The following GAS7 variants were observed in gnomAD, a reference collection of about 807,000 sequenced individuals.
GAS7 encodes the protein growth arrest-specific protein 7.
In GAS7, 28 loss-of-function variants were observed where a neutral mutation model predicts 71.1. The observed-to-expected ratio is 0.39, with a 90% CI of 0.29 to 0.54. The LOEUF is 0.54. GAS7 is among the 20% of genes least tolerant of loss of function. The pLI, the probability that GAS7 is intolerant of heterozygous loss-of-function variation, is 0.62. For missense variants in GAS7, 436 were observed against 627.8 expected (o/e 0.69, Z 3.27); for synonymous variants, 258 against 245.8 (o/e 1.05, Z -0.46).
chr17:9,939,603 T>C (rs1213695904), intron 8 of GAS7, among the ~76,000 whole-genome samples: 2 of 150,566 alleles, frequency 1.3e-5, no homozygotes, highest in Non-Finnish European at 2.9e-5. Context: ...GAGAAGACAA[T>C]GTGGAAGTGC....
chr17:10,082,331 A>C (rs183743881), intron 1 of GAS7, among the ~76,000 whole-genome samples: 1 of 152,222 alleles, frequency 6.6e-6, no homozygotes, highest in Non-Finnish European at 1.5e-5. Context: ...ATGTCAAATA[A>C]TGTGTTATTT....
chr17:10,066,618 G>C (rs2073284091), intron 1 of GAS7, among the ~76,000 whole-genome samples: 1 of 152,176 alleles, frequency 6.6e-6, no homozygotes, highest in African/African-American at 2.4e-5. Flanking sequence ...TTGCAGGTGT[G>C]AGCCACTGTG....
chr17:9,988,518 G>T (rs1478760404), intron 2 of GAS7, among the ~76,000 whole-genome samples: 7 of 152,132 alleles, frequency 4.6e-5, no homozygotes, highest in Non-Finnish European at 1.0e-4. Context: ...TCCATCTCTG[G>T]TTTTTCAATG....
At chr17:9,983,524 T>C (rs1304975241) in intron 2 of GAS7, among the ~76,000 whole-genome samples, 2 of 151,178 alleles carry the variant, frequency 1.3e-5, no homozygotes, top group African/African-American at 4.9e-5. Flanking sequence ...CGGTGGCTCA[T>C]GTCTGTAATC....
At chr17:9,934,025 C>T (rs571319218) in intron 9 of GAS7, 141 bp downstream of exon 9, 18 of 672,654 alleles carry the variant, frequency 2.7e-5, no homozygotes, top group Non-Finnish European at 4.4e-5. Context: ...TTCCCAACTC[C>T]GTATTCCGTG....
At chr17:10,037,298 C>T (rs1385132581) in intron 1 of GAS7, among the ~76,000 whole-genome samples, 2 of 152,192 alleles carry the variant, frequency 1.3e-5, no homozygotes, top group Non-Finnish European at 2.9e-5. Context: ...TGAGCTTGGG[C>T]AGGGCTTGGA....
At chr17:10,129,756 G>A (rs1597808754) in intron 1 of GAS7, among the ~76,000 whole-genome samples, 1 of 152,140 alleles carries the variant, frequency 6.6e-6, no homozygotes, top group African/African-American at 2.4e-5. Context: ...TGCAAACCAC[G>A]TATCTGATAA....
intron 1 of GAS7, among the ~76,000 whole-genome samples, chr17:10,153,968 C>T (rs1567612598): frequency 6.6e-6 from 1 of 152,188 alleles, no homozygotes. Context: ...GTCCCAGCTA[C>T]TTGGAAGGTT....
chr17:10,110,329 G>A (rs777047682), intron 1 of GAS7, among the ~76,000 whole-genome samples: 3 of 152,166 alleles, frequency 2.0e-5, no homozygotes, highest in Non-Finnish European at 2.9e-5. Context: ...TCACTGATAT[G>A]TAGGAGCTAA....
intron 1 of GAS7, among the ~76,000 whole-genome samples, chr17:10,030,926 C>T (rs952462457): frequency 6.6e-6 from 1 of 152,242 alleles, no homozygotes; most frequent in African/African-American, 2.4e-5. Flanking sequence ...CAGGTTGCAA[C>T]TCCAGTCGCC....
intron 1 of GAS7, among the ~76,000 whole-genome samples, chr17:10,190,063 T>C (rs1425295344): frequency 6.6e-6 from 1 of 152,190 alleles, no homozygotes; most frequent in Non-Finnish European, 1.5e-5. Context: ...GCACGCCCAT[T>C]GGCTTTCGGA....
At chr17:9,957,599 C>T (rs1010214251) in intron 5 of GAS7, among the ~76,000 whole-genome samples, 1 of 148,458 alleles carries the variant, frequency 6.7e-6, no homozygotes, top group Admixed American at 6.7e-5. Flanking sequence ...CCTCCCCCTC[C>T]TTTTTATGTA....
At chr17:9,989,070 C>T (rs531491188) in intron 2 of GAS7, among the ~76,000 whole-genome samples, 2 of 152,056 alleles carry the variant, frequency 1.3e-5, no homozygotes, top group East Asian at 1.9e-4. Flanking sequence ...AGGATGGTCT[C>T]GATCTCCTGA....
At chr17:10,158,344 A>AAAAACAAAAAAC (rs1567614054) in intron 1 of GAS7, among the ~76,000 whole-genome samples, 7 of 146,934 alleles carry the variant, frequency 4.8e-5, no homozygotes, top group African/African-American at 1.8e-4. Context: ...GGTAAAAAAA[A>AAAAACAAAAAAC]AAAAAAAAAA....
chr17:9,925,108 A>G (rs1055703265), intron 11 of GAS7, among the ~76,000 whole-genome samples: 5 of 152,148 alleles, frequency 3.3e-5, no homozygotes, highest in African/African-American at 1.2e-4. Context: ...GGCTCTGAAC[A>G]GGGACAGGGC....
chr17:10,091,668 G>A (rs973497317), intron 1 of GAS7, among the ~76,000 whole-genome samples: 1 of 152,038 alleles, frequency 6.6e-6, no homozygotes, highest in Non-Finnish European at 1.5e-5. Context: ...TTACAGGTGT[G>A]AGCCACCACG....
At position 9,974,056 on chromosome 17, in the gene GAS7, C is replaced by T. The variant is rs74927958; in HGVS notation, c.386-4294G>A. The stretch of plus-strand genomic sequence containing the variant: ...CCCAGTCTTTCCCCACACTTGCAGC[C>T]GCCAGGAACTGTCTAAAGAGGAGAC... On this transcript the variant is annotated intron_variant, in intron 3 of 13. Transcript: ENST00000432992. The surrounding 1 kb of genome is among the most constrained non-coding windows in gnomAD (Gnocchi z 4.0). Among the ~76,000 whole-genome samples the T allele has an allele frequency of 8.4e-3, 1,274 of 152,246 alleles. 5 individuals are homozygous for T. The highest frequency in any genetic ancestry group is 0.029 in the African/African-American group (1,216 of 41,530).
intron 1 of GAS7, among the ~76,000 whole-genome samples, chr17:10,106,985 C>A (rs1438915039): frequency 6.6e-6 from 1 of 152,106 alleles, no homozygotes; most frequent in Non-Finnish European, 1.5e-5. Flanking sequence ...ATGCCACAGT[C>A]CCACTGGACT....
At chr17:9,961,045 C>T (rs1347821966) in intron 4 of GAS7, among the ~76,000 whole-genome samples, 1 of 152,152 alleles carries the variant, frequency 6.6e-6, no homozygotes, top group Admixed American at 6.5e-5. Context: ...CCTGATCCAG[C>T]AGGTCCCAGG....
Sources: allele counts gnomAD v4.1 joint callset (sites outside exome capture counted in the v4.1 genomes callset), GRCh38; gene constraint gnomAD v4.1.1; non-coding constraint Gnocchi (gnomAD v3.1); transcripts MANE v1.5; gene names NCBI Gene and HGNC (gene_info 2026-07-23, HGNC 2026-07-21).